CYP11A1: variants seen among roughly 807,000 people sequenced by gnomAD.
CYP11A1 encodes the protein cholesterol side-chain cleavage enzyme, mitochondrial.
In CYP11A1, 25 loss-of-function variants were observed where a neutral mutation model predicts 51.9. The observed-to-expected ratio is 0.48, with a 90% CI of 0.35 to 0.67. The LOEUF (loss-of-function observed/expected upper bound fraction) is 0.67, where lower values mean the gene tolerates loss of function less well. Ranked by LOEUF, CYP11A1 falls within the 30% of genes least tolerant of loss-of-function variation. The pLI, the probability that CYP11A1 is intolerant of heterozygous loss-of-function variation, is 0.00. For missense variants in CYP11A1, 578 were observed against 680.9 expected (o/e 0.85, Z 1.68); for synonymous variants, 245 against 262.1 (o/e 0.93, Z 0.63).
chr15:74,351,192 T>G (rs1053039375), intron 1 of CYP11A1, among the ~76,000 whole-genome samples: 5 of 152,120 alleles, frequency 3.3e-5, no homozygotes, highest in Non-Finnish European at 5.9e-5. Context: ...TTTTGTCTCT[T>G]TCTATTTCAG....
chr15:74,339,953 C>T (rs949822451), intron 5 of CYP11A1, among the ~76,000 whole-genome samples, 200 bp from the exon 6 acceptor site: 2 of 152,234 alleles, frequency 1.3e-5, no homozygotes, highest in East Asian at 1.9e-4. Flanking sequence ...CCTTTCTTGC[C>T]GGCCAGGCAG....
At chr15:74,340,754 T>C (rs1450875610) in intron 5 of CYP11A1, among the ~76,000 whole-genome samples, 2 of 151,968 alleles carry the variant, frequency 1.3e-5, no homozygotes, top group East Asian at 3.9e-4. Flanking sequence ...CTTGCCTGGC[T>C]CCCCAGAGCC....
intron 5 of CYP11A1, among the ~76,000 whole-genome samples, chr15:74,341,813 T>C (rs563339264): frequency 6.6e-6 from 1 of 152,322 alleles, no homozygotes; most frequent in Non-Finnish European, 1.5e-5. Flanking sequence ...CCAGTTCTGA[T>C]TAGTGTCCTC....
intron 1 of CYP11A1, 123 bp downstream of exon 1, chr15:74,367,194 A>T: frequency 2.0e-6 from 2 of 979,144 alleles, no homozygotes; most frequent in Non-Finnish European, 1.5e-6. Context: ...AAAAAAAAAA[A>T]AAGAAGTTAG....
Position 74,338,632 on chromosome 15 carries a change from C to T in CYP11A1, c.1373G>A (p.Gly458Asp). The change falls in exon 8 of 9, where the codon GGT becomes GAT. Residue 458 changes from glycine to aspartate, a missense_variant. Coordinates refer to ENST00000268053, the MANE Select transcript of CYP11A1 (RefSeq NM_000781.3). ...TYFRNLGFGWGVRQCLGRRIA... is the reference protein window; with the variant it reads ...TYFRNLGFGWDVRQCLGRRIA... ...CCGCCGTCCCAGACACTGCCGCACA[C>T]CCCAGCCAAAGCCCAAGTTCCGGAA... The T allele has an allele frequency of 6.2e-7, 1 of 1,614,156 alleles. No homozygotes were observed. The highest frequency in any genetic ancestry group is 1.1e-5 in the South Asian group (1 of 91,082).
chr15:74,366,073 G>T, intron 1 of CYP11A1: 1 of 985,596 alleles, frequency 1.0e-6, no homozygotes, highest in Non-Finnish European at 1.2e-6. Flanking sequence ...GGCTCGGGCT[G>T]TGTCGAGGGG....
At chr15:74,338,831 C>T (rs1360684989) in intron 7 of CYP11A1, 63 bp from the exon 8 acceptor site, 3 of 1,481,890 alleles carry the variant, frequency 2.0e-6, no homozygotes, top group African/African-American at 2.8e-5. Flanking sequence ...AGCACAAAAC[C>T]CCCTTCCCTA....
intron 1 of CYP11A1, among the ~76,000 whole-genome samples, chr15:74,357,031 A>G (rs1371436505): frequency 6.6e-6 from 1 of 152,200 alleles, no homozygotes. Context: ...TTACCTGTTC[A>G]AAAACCAGAC....
intron 5 of CYP11A1, among the ~76,000 whole-genome samples, chr15:74,341,986 G>A (rs948814626): frequency 6.6e-6 from 1 of 152,182 alleles, no homozygotes; most frequent in Non-Finnish European, 1.5e-5. Context: ...GAAAATCAAT[G>A]TTTGTTGTTT....
At chr15:74,356,438 A>T (rs2060680400) in intron 1 of CYP11A1, 1 of 152,230 alleles carries the variant, frequency 6.6e-6, no homozygotes, top group Admixed American at 6.5e-5. Flanking sequence ...AGCTTCCTGG[A>T]TCATCACAGA....
chr15:74,367,215 G>C, intron 1 of CYP11A1, 102 bp downstream of exon 1: 2 of 1,262,156 alleles, frequency 1.6e-6, no homozygotes, highest in South Asian at 2.5e-5. Context: ...ACAGGAGTTT[G>C]GAACCAGAGA....
chr15:74,339,902 CA>C (rs1361968977), intron 5 of CYP11A1, 149 bp from the exon 6 acceptor site: 2 of 721,450 alleles, frequency 2.8e-6, no homozygotes, highest in Non-Finnish European at 2.3e-6. Flanking sequence ...TCTGCAAGAG[CA>C]AAACACATTC....
chr15:74,361,439 T>C (rs2060708334), intron 1 of CYP11A1: 2 of 350,450 alleles, frequency 5.7e-6, no homozygotes, highest in Non-Finnish European at 1.1e-5. Flanking sequence ...TAATTACATA[T>C]CAAGAAAAGA....
Position 74,345,309 on chromosome 15 carries a change from G to A in CYP11A1, c.426-66C>T, listed in dbSNP as rs2060628121. The A allele has an allele frequency of 2.5e-6, 4 of 1,571,880 alleles. No individual in the cohort carries two copies. The highest frequency in any genetic ancestry group is 2.2e-5 in the South Asian group (2 of 89,340). ...CCCAGGCCTGGTGAACACAGAGGGG[G>A]CTGACTCAGTTTTCCCAGGAAGCTG... On this transcript the variant is annotated intron_variant, in intron 2 of 8. Coordinates refer to ENST00000268053, the MANE Select transcript of CYP11A1 (RefSeq NM_000781.3). The surrounding 1 kb of genome is among the most constrained non-coding windows in gnomAD (Gnocchi z 4.3).
At chr15:74,339,451 T>A in intron 6 of CYP11A1, 136 bp from the exon 7 acceptor site, 2 of 1,426,802 alleles carry the variant, frequency 1.4e-6, no homozygotes, top group Non-Finnish European at 2.0e-6. Context: ...TGGCTCTATT[T>A]CTTTCTCCTC....
At chr15:74,366,944 G>A (rs985373595) in intron 1 of CYP11A1, 3 of 261,060 alleles carry the variant, frequency 1.1e-5, no homozygotes, top group African/African-American at 6.8e-5. Flanking sequence ...TCGAACTCTT[G>A]ATCTCAAGTG....
At position 74,367,425 on chromosome 15, in the gene CYP11A1, G is replaced by A; in HGVS notation, c.161C>T (p.Pro54Leu). The A allele has an allele frequency of 6.2e-7, 1 of 1,614,226 alleles. No homozygotes were observed. The highest frequency in any genetic ancestry group is 8.5e-7 in the Non-Finnish European group (1 of 1,180,044). ...CAGGTTTAGCCAGCCATTGTCACCA[G>A]GAGAGGGGATCTCATTGAAGGGGCG... The part of the protein sequence containing the change: ...SPRPFNEIPS[P>L]GDNGWLNLYH... Residue 54 changes from proline to leucine, a missense_variant, in exon 1 of 9, where the codon CCT becomes CTT. Physicochemically the swap from Pro to Leu is moderately conservative, Grantham distance 98. Coordinates refer to ENST00000268053, the MANE Select transcript of CYP11A1 (RefSeq NM_000781.3).
At chr15:74,364,058 A>AC (rs1238589570) in intron 1 of CYP11A1, 2 of 152,210 alleles carry the variant, frequency 1.3e-5, no homozygotes, top group African/African-American at 4.8e-5. Context: ...ATAGGTATCC[A>AC]CCCCCTAAAG....
chr15:74,360,079 CAT>C (rs2060700378), intron 1 of CYP11A1, among the ~76,000 whole-genome samples: 1 of 152,150 alleles, frequency 6.6e-6, no homozygotes, highest in Admixed American at 6.5e-5. Flanking sequence ...AAAATGTAAA[CAT>C]GTGGTGTACA....
Sources: gnomAD v4.1 joint callset for allele counts (sites outside exome capture counted in the v4.1 genomes callset) on GRCh38, gnomAD v4.1.1 for gene constraint, Gnocchi (gnomAD v3.1) non-coding constraint, MANE v1.5 for transcripts, NCBI Gene and HGNC (gene_info 2026-07-23, HGNC 2026-07-21) for gene names.